PDE4D: variants seen among roughly 807,000 people sequenced by gnomAD.
PDE4D encodes phosphodiesterase 4D, also known as 3',5'-cyclic-AMP phosphodiesterase 4D.
In PDE4D, 24 loss-of-function variants were observed where a neutral mutation model predicts 87.4. The ratio of observed to expected loss-of-function variants is 0.27; its 90% confidence interval spans 0.20 to 0.39. PDE4D has a LOEUF of 0.39. Among genes scored for constraint, PDE4D ranks in the 10% least tolerant of loss-of-function variants. The probability of loss-of-function intolerance (pLI) is 1.00; values close to 1 mark genes in which losing one functional copy is unlikely to be tolerated. For synonymous variants in PDE4D, 384 were observed against 383.2 expected (o/e 1.00, Z -0.02); for missense variants, 714 against 1,041.0 (o/e 0.69, Z 4.32).
intron 1 of PDE4D, among the ~76,000 whole-genome samples, chr5:60,287,314 T>C (rs1752507582): frequency 6.6e-6 from 1 of 152,118 alleles, no homozygotes; most frequent in Non-Finnish European, 1.5e-5. Context: ...GCAGCTCCCC[T>C]AGCTGTCAGA....
chr5:59,730,922 T>G (rs1049259021), intron 1 of PDE4D, among the ~76,000 whole-genome samples: 2 of 152,194 alleles, frequency 1.3e-5, no homozygotes, highest in African/African-American at 4.8e-5. Context: ...ATCTGATATT[T>G]TGTTTGAAAA....
At chr5:58,999,565 A>ATATATG in intron 6 of PDE4D, 1 of 1,195,432 alleles carries the variant, frequency 8.4e-7, no homozygotes, top group Admixed American at 3.4e-5. Flanking sequence ...ATATATATAT[A>ATATATG]TATGTATATA....
intron 1 of PDE4D, among the ~76,000 whole-genome samples, chr5:60,287,198 C>T (rs2149762468): frequency 6.6e-6 from 1 of 152,314 alleles, no homozygotes; most frequent in South Asian, 2.1e-4. Flanking sequence ...TTGTGGCCTC[C>T]ATGAACTTAA....
intron 1 of PDE4D, among the ~76,000 whole-genome samples, chr5:59,366,639 T>C (rs1197608709): frequency 6.6e-6 from 1 of 152,186 alleles, no homozygotes; most frequent in African/African-American, 2.4e-5. Flanking sequence ...TCAAGAGATG[T>C]TTTAATAGGT....
chr5:60,144,784 C>T (rs530940279), intron 2 of PDE4D, among the ~76,000 whole-genome samples: 3 of 152,142 alleles, frequency 2.0e-5, no homozygotes, highest in Non-Finnish European at 4.4e-5. Context: ...CAGAATTTTG[C>T]CTTTGTCCAA....
In PDE4D at chr5:59,439,475, C is replaced by T. The variant is rs142201076; in HGVS notation, c.456-223507G>A. On this transcript the variant is annotated intron_variant, in intron 1 of 14. Coordinates refer to ENST00000340635, the MANE Select transcript of PDE4D (RefSeq NM_001104631.2). ...ACCCTGGGGAAGAAATAACACCTTT[C>T]TGGTATCAGTTTCCATGACACTTAG... Among the ~76,000 whole-genome samples, 4 of 152,142 alleles carry T rather than the reference C, an allele frequency of 2.6e-5. No individual in the cohort carries two copies. In the East Asian group the frequency reaches 5.8e-4, roughly 22 times the overall value.
intron 1 of PDE4D, among the ~76,000 whole-genome samples, chr5:59,626,656 G>A (rs1830935850): frequency 6.6e-6 from 1 of 152,144 alleles, no homozygotes; most frequent in Non-Finnish European, 1.5e-5. Context: ...GTGAAAGGAT[G>A]AGCATTAGTT....
intron 1 of PDE4D, chr5:59,357,016 G>T: frequency 1.3e-6 from 1 of 753,042 alleles, no homozygotes; most frequent in South Asian, 3.6e-5. Flanking sequence ...GCTGAGGCAG[G>T]GCTGGAAGGG....
At chr5:59,484,351 C>T (rs1210049855) in intron 1 of PDE4D, among the ~76,000 whole-genome samples, 1 of 152,212 alleles carries the variant, frequency 6.6e-6, no homozygotes, top group African/African-American at 2.4e-5. Context: ...TAATTGTCTA[C>T]AGACAACCAC....
intron 1 of PDE4D, among the ~76,000 whole-genome samples, chr5:59,383,384 C>T (rs1231236880): frequency 6.6e-6 from 1 of 152,050 alleles, no homozygotes; most frequent in Non-Finnish European, 1.5e-5. Context: ...CGAATCTATC[C>T]CCACTCCCCT....
chr5:60,172,829 C>T (rs893849498), intron 2 of PDE4D, among the ~76,000 whole-genome samples: 7 of 152,070 alleles, frequency 4.6e-5, no homozygotes, highest in Non-Finnish European at 4.4e-5. Flanking sequence ...AGTACTGCCG[C>T]TCCCCAAACT....
In PDE4D at chr5:59,437,400, C is replaced by T. The variant is rs541591733; in HGVS notation, c.456-221432G>A. Among the ~76,000 whole-genome samples, 5 of 152,230 alleles carry T rather than the reference C, an allele frequency of 3.3e-5. No individual in the cohort carries two copies. The South Asian group carries it at 1.0e-3, about 32-fold the overall frequency. ...ACAAACGGTTGCCAATATTCAGCTG[C>T]AAAAGAATTTCCAACAGTAGGAACC... is the stretch of plus-strand genomic sequence containing the variant. On this transcript the variant is annotated intron_variant, in intron 1 of 14. Coordinates refer to ENST00000340635, the MANE Select transcript of PDE4D (RefSeq NM_001104631.2).
At chr5:59,407,723 T>A (rs1474906694) in intron 1 of PDE4D, among the ~76,000 whole-genome samples, 1 of 152,226 alleles carries the variant, frequency 6.6e-6, no homozygotes, top group East Asian at 1.9e-4. Context: ...ACCCATGTTA[T>A]ACCTTAGCAA....
At chr5:59,181,543 G>GATATATATAT (rs3061466) in intron 4 of PDE4D, among the ~76,000 whole-genome samples, 1,498 of 118,702 alleles carry the variant, frequency 0.013, 18 homozygotes, top group African/African-American at 0.019. Flanking sequence ...AAAGATGTCT[G>GATATATATAT]ATATATATAT....
intron 3 of PDE4D, among the ~76,000 whole-genome samples, chr5:59,961,302 TAAA>T (rs34174642): frequency 4.4e-5 from 6 of 136,056 alleles, no homozygotes; most frequent in Non-Finnish European, 4.7e-5. Context: ...AGACCCAGAT[TAAA>T]AAAAAAAAAA....
chr5:59,723,218 C>T (rs896049388), intron 1 of PDE4D, among the ~76,000 whole-genome samples: 4 of 152,038 alleles, frequency 2.6e-5, no homozygotes, highest in Admixed American at 6.6e-5. Flanking sequence ...GTATACAAGG[C>T]GTTTCCTAGG....
chr5:59,967,413 A>G (rs1164615856), intron 3 of PDE4D, among the ~76,000 whole-genome samples: 1 of 152,180 alleles, frequency 6.6e-6, no homozygotes, highest in African/African-American at 2.4e-5. Context: ...AAACAAATCA[A>G]TAAGCAAAAA....
intron 5 of PDE4D, among the ~76,000 whole-genome samples, chr5:59,059,540 G>C (rs904201757): frequency 2.6e-5 from 4 of 152,156 alleles, no homozygotes; most frequent in Admixed American, 1.3e-4. Flanking sequence ...AACATGAAGA[G>C]CATCAGACAG....
rs79487831 is a variant in PDE4D, at chr5:60,288,786, A to G, written c.-89-103099T>C. On this transcript the variant is annotated intron_variant, in intron 1 of 16. Transcript: ENST00000502484. ...TTTTTGTTATTTTCAATCGCATCAA[A>G]TTGATTTTGTTCTTGACATGATGAC... 5.0e-3 allele frequency among the ~76,000 whole-genome samples: 767 copies of G among 152,298 alleles called. 5 individuals are homozygous for G. The highest frequency in any genetic ancestry group is 0.017 in the African/African-American group (724 of 41,566).
Sources: gnomAD v4.1 joint callset for allele counts (sites outside exome capture counted in the v4.1 genomes callset) on GRCh38, gnomAD v4.1.1 for gene constraint, MANE v1.5 for transcripts, NCBI Gene and HGNC (gene_info 2026-07-23, HGNC 2026-07-21) for gene names.